Variants in PLXNB1 observed in about 807,000 individuals in gnomAD.
PLXNB1 encodes the protein plexin B1, also known as plexin-B1.
In PLXNB1, 106 loss-of-function variants were observed where a neutral mutation model predicts 209.4. That is an observed-to-expected ratio of 0.51 (90% CI 0.43 to 0.59). The LOEUF (loss-of-function observed/expected upper bound fraction) is 0.59, where lower values mean the gene tolerates loss of function less well. Among genes scored for constraint, PLXNB1 ranks in the 20% least tolerant of loss-of-function variants. The probability of loss-of-function intolerance (pLI) is 0.00; values close to 1 mark genes in which losing one functional copy is unlikely to be tolerated. For missense variants in PLXNB1, 2,357 were observed against 2,853.2 expected, an observed-to-expected ratio of 0.83 and a Z score of 3.96; for synonymous variants, 1,167 against 1,183.2, an observed-to-expected ratio of 0.99 and a Z score of 0.28.
chr3:48,411,113 A>G lies in PLXNB1; in HGVS notation c.5248-77T>C. 1.5e-6 allele frequency: 2 copies of G among 1,321,726 alleles called. No individual in the cohort carries two copies. Among genetic ancestry groups the G allele is most frequent in the Non-Finnish European group, 2.1e-6 (2 of 961,708 alleles). The allele number at this position is 1,321,726 out of a possible 1,614,324, so 81.9% of individuals were successfully genotyped here. A position where few individuals can be genotyped will look rare whatever the true frequency, so the allele number is the denominator to read the frequency against. ...AAGACACAGGCCAAGGGCAGAGACA[A>G]CTCATGAGAAACTGCTGCCTCCAAT... is the stretch of plus-strand genomic sequence containing the variant. On this transcript the variant is annotated intron_variant, in intron 28 of 37. Coordinates refer to ENST00000296440, the MANE Select transcript of PLXNB1 (RefSeq NM_001130082.3). This position sits in a 1 kb window ranked among gnomAD's most constrained non-coding sequence, Gnocchi z 4.0.
chr3:48,415,603 G>C lies in PLXNB1; in HGVS notation c.3774C>G (p.Gly1258=), dbSNP rs1214588657. 6.3e-7 allele frequency: 1 copy of C among 1,583,360 alleles called. No individual in the cohort carries two copies. Among genetic ancestry groups the C allele is most frequent in the East Asian group, 2.3e-5 (1 of 43,898 alleles). Residue 1258 remains glycine, a synonymous_variant, in exon 19 of 38, where the codon GGC becomes GGG. Coordinates refer to ENST00000296440, the MANE Select transcript of PLXNB1 (RefSeq NM_001130082.3). The surrounding 1 kb of genome is among the most constrained non-coding windows in gnomAD (Gnocchi z 5.0). ...YTLDPNITSA[G]PTKSFLSGGR... ...AACACCTGAGGAAGCTCTTGGTGGG[G>C]CCAGCAGAGGTGATGTTGGGGTCCA...
In PLXNB1 at chr3:48,415,074, C is replaced by A; in HGVS notation, c.3967-33G>T. The A allele has an allele frequency of 1.2e-6, 2 of 1,609,416 alleles. No homozygotes were observed. The highest frequency in any genetic ancestry group is 1.7e-6 in the Non-Finnish European group (2 of 1,176,972). ...GAAGACAGGCAGGTTGACGAGGGGC[C>A]AAGCAAAGATGGGAAGAGCCTCCTC... On this transcript the variant is annotated intron_variant, in intron 20 of 37. Coordinates refer to ENST00000296440, the MANE Select transcript of PLXNB1 (RefSeq NM_001130082.3). The surrounding 1 kb of genome is among the most constrained non-coding windows in gnomAD (Gnocchi z 5.0).
Position 48,406,936 on chromosome 3 carries a change from C to A in PLXNB1, c.6153-38G>T, listed in dbSNP as rs2037348804. 11 of 1,609,412 alleles carry A rather than the reference C, an allele frequency of 6.8e-6. No homozygotes were observed. Among genetic ancestry groups the A allele is most frequent in the Non-Finnish European group, 7.7e-6 (9 of 1,176,192 alleles). ...CAGGGCACAGCAGCTGCTGGGTAAA[C>A]AAGCCCACTCCCCTGCTCCCAACCA... On this transcript the variant is annotated intron_variant, in intron 35 of 37. Coordinates refer to ENST00000296440, the MANE Select transcript of PLXNB1 (RefSeq NM_001130082.3). The surrounding 1 kb of genome is among the most constrained non-coding windows in gnomAD (Gnocchi z 4.4).
Position 48,418,797 on chromosome 3 carries a change from C to T in PLXNB1, c.2955+120G>A. On this transcript the variant is annotated intron_variant, in intron 13 of 37. Coordinates refer to ENST00000296440, the MANE Select transcript of PLXNB1 (RefSeq NM_001130082.3). This position sits in a 1 kb window ranked among gnomAD's most constrained non-coding sequence, Gnocchi z 6.6. The stretch of plus-strand genomic sequence containing the variant: ...AGGTCAGAAATGGGTGTGGAGACTC[C>T]CTCAGGGCGACACGGTCAGAGCGTG... 1 of 1,315,558 alleles carries T rather than the reference C, an allele frequency of 7.6e-7. No individual in the cohort carries two copies. The highest frequency in any genetic ancestry group is 1.1e-6 in the Non-Finnish European group (1 of 933,188). 81.5% of individuals were successfully genotyped at this position (1,315,558 alleles called of 1,614,324 possible).
At position 48,406,756 on chromosome 3, in the gene PLXNB1, G is replaced by A. The variant is rs1196326717; in HGVS notation, c.6228+67C>T. The A allele has an allele frequency of 1.2e-5, 19 of 1,536,286 alleles. No individual in the cohort carries two copies. Among genetic ancestry groups the A allele is most frequent in the Non-Finnish European group, 1.7e-5 (19 of 1,136,804 alleles). On this transcript the variant is annotated intron_variant, in intron 36 of 37. Coordinates refer to ENST00000296440, the MANE Select transcript of PLXNB1 (RefSeq NM_001130082.3). The surrounding 1 kb of genome is among the most constrained non-coding windows in gnomAD (Gnocchi z 4.4). ...AAGGGCTTCCCTGCAAAGGGGCAGT[G>A]TGAAGGGGGAAGGACCGTTGTGGCA...
chr3:48,417,826 G>T lies in PLXNB1; in HGVS notation c.3374+85C>A. The T allele has an allele frequency of 1.4e-6, 2 of 1,381,628 alleles. No homozygotes were observed. Among genetic ancestry groups the T allele is most frequent in the Non-Finnish European group, 2.0e-6 (2 of 1,000,502 alleles). The allele number at this position is 1,381,628 out of a possible 1,614,324, so 85.6% of individuals were successfully genotyped here. A position where few individuals can be genotyped will look rare whatever the true frequency, so the allele number is the denominator to read the frequency against. On this transcript the variant is annotated intron_variant, in intron 16 of 37. Transcript: ENST00000296440. This position sits in a 1 kb window ranked among gnomAD's most constrained non-coding sequence, Gnocchi z 4.4. ...AACAGGGAGAGAGGGGGGCAGATGA[G>T]CGGTGGGTGGGAGGCCCCAAGCAGC...
Position 48,419,795 on chromosome 3 carries a change from C to A in PLXNB1, c.2491G>T (p.Ala831Ser). ...AGGGCGGGCTTCACGGAGCCCATGG[C>A]CCCTGGGAAAGTGGTGGCAGGAACA... ...ATVPATTFPG[A>S]MGSVKPALDW... The change falls in exon 11 of 38, where the codon GCC (alanine) becomes TCC (serine). Residue 831 changes from alanine (A) to serine (S), a missense_variant. Physicochemically the swap from Ala to Ser is moderately conservative, Grantham distance 99. This residue lies in a region of PLXNB1 where 410 missense variants were observed against 401.0 expected (regional missense o/e 1.02). Coordinates refer to ENST00000296440, the MANE Select transcript of PLXNB1 (RefSeq NM_001130082.3). The surrounding 1 kb of genome is among the most constrained non-coding windows in gnomAD (Gnocchi z 5.7). 1 of 1,595,950 alleles carries A rather than the reference C, an allele frequency of 6.3e-7. No homozygotes were observed.
At position 48,415,425 on chromosome 3, in the gene PLXNB1, G is replaced by A. The variant is rs1348481590; in HGVS notation, c.3795-78C>T. On this transcript the variant is annotated intron_variant, in intron 19 of 37. Coordinates refer to ENST00000296440, the MANE Select transcript of PLXNB1 (RefSeq NM_001130082.3). This position sits in a 1 kb window ranked among gnomAD's most constrained non-coding sequence, Gnocchi z 5.0. ...CTAAAGCACAGCCCAGTCCCGGCTAGGTCAGCTCAGCCCCAGCCCCAAACC... is the reference window on the plus strand; with the variant it reads ...CTAAAGCACAGCCCAGTCCCGGCTAAGTCAGCTCAGCCCCAGCCCCAAACC... 2.7e-6 allele frequency: 4 copies of A among 1,503,652 alleles called. No homozygotes were observed. In the African/African-American group the frequency reaches 5.5e-5, roughly 21 times the overall value. 93.1% of individuals were successfully genotyped at this position (1,503,652 alleles called of 1,614,324 possible).
intron 1 of PLXNB1, among the ~76,000 whole-genome samples, chr3:48,427,205 C>A (rs2038939018): frequency 6.6e-6 from 1 of 151,678 alleles, no homozygotes; most frequent in Non-Finnish European, 1.5e-5. Context: ...AAAAAAAAAA[C>A]ACTGGATGAG....
Position 48,416,305 on chromosome 3 carries a change from T to A in PLXNB1, c.3480+41A>T, listed in dbSNP as rs1329999750. ...GGGTTGAGAGGAGCCACCAGAGAGG[T>A]TGGCCCGCTGGCAGCTGGGGGTGGC... On this transcript the variant is annotated intron_variant, in intron 17 of 37. Transcript: ENST00000296440. The surrounding 1 kb of genome is among the most constrained non-coding windows in gnomAD (Gnocchi z 4.1). The A allele has an allele frequency of 6.4e-7, 1 of 1,565,734 alleles. No individual in the cohort carries two copies. The highest frequency in any genetic ancestry group is 8.8e-7 in the Non-Finnish European group (1 of 1,140,116).
intron 7 of PLXNB1, 122 bp downstream of exon 7, chr3:48,421,552 A>G (rs2038520312): frequency 1.6e-6 from 2 of 1,221,704 alleles, no homozygotes; most frequent in East Asian, 2.5e-5. Context: ...AGCTCCTAAA[A>G]GAAGTGACTT....
chr3:48,405,760 A>C lies in PLXNB1; in HGVS notation c.6267T>G (p.His2089Gln). Residue 2089 changes from histidine (H) to glutamine (Q), a missense_variant, in exon 37 of 38, where the codon CAT becomes CAG. This residue lies in a region of PLXNB1 where 414 missense variants were observed against 520.5 expected (regional missense o/e 0.80). Transcript: ENST00000296440. This position sits in a 1 kb window ranked among gnomAD's most constrained non-coding sequence, Gnocchi z 5.0. ...ACTTGTTGATGTACTTGTAGAGTTC[A>C]TGCAGGGCCACTCGCGCCCCGAGGT... ...SGDLGARVAL[H>Q]ELYKYINKYY... 11 of 1,613,808 alleles carry C rather than the reference A, an allele frequency of 6.8e-6. No homozygotes were observed. Among genetic ancestry groups the C allele is most frequent in the Non-Finnish European group, 9.3e-6 (11 of 1,179,890 alleles).
chr3:48,406,490 G>C lies in PLXNB1; in HGVS notation c.6228+333C>G. On this transcript the variant is annotated intron_variant, in intron 36 of 37. Coordinates refer to ENST00000296440, the MANE Select transcript of PLXNB1 (RefSeq NM_001130082.3). This position sits in a 1 kb window ranked among gnomAD's most constrained non-coding sequence, Gnocchi z 4.4. ...AATGGGAGAGGTGAAGGGGACACCT[G>C]TGCCACCAAGGGAAGCACAGCAGTG... 1.3e-6 allele frequency: 1 copy of C among 780,024 alleles called. No homozygotes were observed. The allele number at this position is 780,024 out of a possible 1,614,324, so 48.3% of individuals were successfully genotyped here.
chr3:48,412,091 G>A, intron 27 of PLXNB1, 82 bp from the exon 28 acceptor site: 1 of 1,535,852 alleles, frequency 6.5e-7, no homozygotes, highest in Non-Finnish European at 9.0e-7. Flanking sequence ...AAGGGGACAG[G>A]ACATGGGCTT....
At position 48,415,960 on chromosome 3, in the gene PLXNB1, C is replaced by A; in HGVS notation, c.3617+71G>T. The A allele has an allele frequency of 6.6e-7, 1 of 1,518,928 alleles. No individual in the cohort carries two copies. The highest frequency in any genetic ancestry group is 8.9e-7 in the Non-Finnish European group (1 of 1,121,194). 94.1% of individuals were successfully genotyped at this position (1,518,928 alleles called of 1,614,324 possible). A position where few individuals can be genotyped will look rare whatever the true frequency, so the allele number is the denominator to read the frequency against. On this transcript the variant is annotated intron_variant, in intron 18 of 37. Transcript: ENST00000296440. The surrounding 1 kb of genome is among the most constrained non-coding windows in gnomAD (Gnocchi z 5.0). ...GCCCTCTTCCCCTTTCTGCTCTCCC[C>A]AGGATCTCAGACCCCTCCATCTTTC...
At chr3:48,414,113 C>T in intron 21 of PLXNB1, 42 bp from the exon 22 acceptor site, 1 of 1,597,280 alleles carries the variant, frequency 6.3e-7, no homozygotes. Context: ...GGACCCTTCC[C>T]TCAGATCCTG....
chr3:48,409,412 A>G lies in PLXNB1; in HGVS notation c.6004T>C (p.Ser2002Pro). ...NPQFVFDVQT[S>P]DNMDAVLLVI... is the part of the protein sequence containing the mutation. ...AGGAGCACCGCATCCATGTTATCAG[A>G]TGTTTGCACGTCGAACACAAACTGC... The change falls in exon 34 of 38, where the codon TCT becomes CCT. Residue 2002 changes from serine to proline, a missense_variant. Ser to Pro is a moderately conservative substitution (Grantham distance 74, BLOSUM62 -1). Transcript: ENST00000296440. The surrounding 1 kb of genome is among the most constrained non-coding windows in gnomAD (Gnocchi z 5.8). The G allele has an allele frequency of 6.2e-7, 1 of 1,614,168 alleles. No individual in the cohort carries two copies. The highest frequency in any genetic ancestry group is 8.5e-7 in the Non-Finnish European group (1 of 1,180,030).
Position 48,419,220 on chromosome 3 carries a change from C to T in PLXNB1, c.2832+24G>A. On this transcript the variant is annotated intron_variant, in intron 12 of 37. Coordinates refer to ENST00000296440, the MANE Select transcript of PLXNB1 (RefSeq NM_001130082.3). This position sits in a 1 kb window ranked among gnomAD's most constrained non-coding sequence, Gnocchi z 5.7. ...TCAACAGCTAAGGAGGCTGCAAGGA[C>T]AGCGGCAGGCAGGACACACTGACCT... 1.3e-6 allele frequency: 2 copies of T among 1,545,110 alleles called. No individual in the cohort carries two copies. The highest frequency in any genetic ancestry group is 1.8e-6 in the Non-Finnish European group (2 of 1,142,016).
In PLXNB1 at chr3:48,419,023, T is replaced by C; in HGVS notation, c.2849A>G (p.Asn950Ser). The change falls in exon 13 of 38, where the codon AAT becomes AGT. Residue 950 changes from asparagine (N) to serine (S), a missense_variant. By Grantham distance (46) the Asn-to-Ser change is conservative. This residue lies in a region of PLXNB1 where 410 missense variants were observed against 401.0 expected (regional missense o/e 1.02). Transcript: ENST00000296440. The surrounding 1 kb of genome is among the most constrained non-coding windows in gnomAD (Gnocchi z 5.7). ...GCCCTCCAGCTCCATCACACACTCA[T>C]TGTCTCCTGGGCCATCCTGAGGGCA... ...LHLFQDGPGD[N>S]ECVMELEGLE... 3 of 1,614,030 alleles carry C rather than the reference T, an allele frequency of 1.9e-6. No individual in the cohort carries two copies. Among genetic ancestry groups the C allele is most frequent in the South Asian group, 1.1e-5 (1 of 91,082 alleles).
Sources: gnomAD v4.1 joint callset for allele counts (sites outside exome capture counted in the v4.1 genomes callset) on GRCh38, gnomAD v4.1.1 for gene constraint, gnomAD v4.1.1 regional missense constraint, Gnocchi (gnomAD v3.1) non-coding constraint, MANE v1.5 for transcripts, NCBI Gene and HGNC (gene_info 2026-07-23, HGNC 2026-07-21) for gene names.